PKM: variants seen among roughly 807,000 people sequenced by gnomAD.
PKM encodes pyruvate kinase M1/2, also known as pyruvate kinase PKM.
Under a neutral mutation model 49.8 loss-of-function variants are expected in PKM, and 18 were observed. That is an observed-to-expected ratio of 0.36 (90% CI 0.25 to 0.54). The LOEUF is 0.54. Among genes scored for constraint, PKM ranks in the 20% least tolerant of loss-of-function variants. The pLI is 0.89. For synonymous variants in PKM, 239 were observed against 261.8 expected, an observed-to-expected ratio of 0.91 and a Z score of 0.84; for missense variants, 508 against 713.8, an observed-to-expected ratio of 0.71 and a Z score of 3.28.
chr15:72,210,085 G>C lies in PKM; in HGVS notation c.379-226C>G. On this transcript the variant is annotated intron_variant, in intron 4 of 10. Coordinates refer to ENST00000335181, the MANE Select transcript of PKM (RefSeq NM_002654.6). ...TTAATGATGGGGAAAAAGATACAAAGAGATGGTTCTCCAAGTTAGAAAGCC... is the reference window on the plus strand; with the variant it reads ...TTAATGATGGGGAAAAAGATACAAACAGATGGTTCTCCAAGTTAGAAAGCC... 9.7e-6 allele frequency: 6 copies of C among 620,702 alleles called. No homozygotes were observed. The South Asian group carries it at 9.8e-5, about 10-fold the overall frequency. 38.4% of individuals were successfully genotyped at this position (620,702 alleles called of 1,614,324 possible).
intron 1 of PKM, chr15:72,228,493 T>C: frequency 2.2e-6 from 1 of 462,448 alleles, no homozygotes; most frequent in Admixed American, 2.6e-5. Context: ...TTAGGGGAAA[T>C]GCATGCTTCA....
At position 72,231,165 on chromosome 15, in the gene PKM, A is replaced by T. The variant is rs898013982; in HGVS notation, c.-63T>A. On this transcript the variant is annotated 5_prime_UTR_variant, in exon 1 of 11. Coordinates refer to ENST00000335181, the MANE Select transcript of PKM (RefSeq NM_002654.6). ...ACGCTGCAAAGACGAAGAGATCCGGAGCCACGGCGCGTGCAGCTGCTGTGC... is the reference window on the plus strand; with the variant it reads ...ACGCTGCAAAGACGAAGAGATCCGGTGCCACGGCGCGTGCAGCTGCTGTGC... 4 of 288,702 alleles carry T rather than the reference A, an allele frequency of 1.4e-5. No homozygotes were observed. Among genetic ancestry groups the T allele is most frequent in the South Asian group, 2.6e-5 (1 of 38,108 alleles). The allele number at this position is 288,702 out of a possible 1,614,324, so 17.9% of individuals were successfully genotyped here.
At chr15:72,213,263 C>T (rs954138902) in intron 3 of PKM, among the ~76,000 whole-genome samples, 2 of 152,096 alleles carry the variant, frequency 1.3e-5, no homozygotes, top group African/African-American at 4.8e-5. Flanking sequence ...ACTGTTAGTA[C>T]CTGCCTGGTT....
chr15:72,229,985 C>T (rs1445876095), intron 1 of PKM, among the ~76,000 whole-genome samples: 4 of 152,012 alleles, frequency 2.6e-5, no homozygotes, highest in African/African-American at 9.7e-5. Flanking sequence ...CGGGCGAGGG[C>T]CAGGAGGCCC....
chr15:72,209,668 C>T lies in PKM; in HGVS notation c.565+5G>A, dbSNP rs533408759. ...AGACAACTGGACTCCAGCTCCCATA[C>T]GTACCTTTCTGCTTCACCTGGAGAG... On this transcript the variant is annotated splice_donor_5th_base_variant and intron_variant, in intron 5 of 10. Coordinates refer to ENST00000335181, the MANE Select transcript of PKM (RefSeq NM_002654.6). 17 of 1,612,248 alleles carry T rather than the reference C, an allele frequency of 1.1e-5. No individual in the cohort carries two copies. Among genetic ancestry groups the T allele is most frequent in the South Asian group, 8.8e-5 (8 of 91,014 alleles).
intron 6 of PKM, among the ~76,000 whole-genome samples, chr15:72,208,324 T>C (rs1042786401): frequency 6.6e-6 from 1 of 152,124 alleles, no homozygotes; most frequent in African/African-American, 2.4e-5. Context: ...TCATGGCCCC[T>C]GGTCCTGTGA....
Position 72,226,606 on chromosome 15 carries a change from G to A in PKM, c.-14+4510C>T, listed in dbSNP as rs8192374. Among the ~76,000 whole-genome samples the A allele has an allele frequency of 3.1e-3, 467 of 152,292 alleles. 1 individual carries two copies. The highest frequency in any genetic ancestry group is 0.011 in the African/African-American group (440 of 41,570). On this transcript the variant is annotated intron_variant, in intron 1 of 10. Transcript: ENST00000335181. ...CAAGTAAACTGAAGATGTTTGGAAGGGATAGGACTCCCTTCAGAGAATCTT... is the reference window on the plus strand; with the variant it reads ...CAAGTAAACTGAAGATGTTTGGAAGAGATAGGACTCCCTTCAGAGAATCTT...
chr15:72,224,655 G>C (rs1173595185), intron 1 of PKM, among the ~76,000 whole-genome samples: 1 of 152,114 alleles, frequency 6.6e-6, no homozygotes, highest in African/African-American at 2.4e-5. Flanking sequence ...TTGAGGCTAA[G>C]AGTTCGAGAC....
chr15:72,230,202 C>G (rs2082813215), intron 1 of PKM, among the ~76,000 whole-genome samples: 1 of 152,202 alleles, frequency 6.6e-6, no homozygotes, highest in Admixed American at 6.5e-5. Context: ...CATCTAATCC[C>G]GGCCACAGGG....
At chr15:72,216,046 G>A (rs2082369763) in intron 3 of PKM, among the ~76,000 whole-genome samples, 1 of 152,166 alleles carries the variant, frequency 6.6e-6, no homozygotes, top group East Asian at 1.9e-4. Context: ...ATGAACACAG[G>A]TTAGGGAATC....
intron 3 of PKM, 48 bp downstream of exon 3, chr15:72,217,361 G>T: frequency 8.8e-7 from 1 of 1,134,508 alleles, no homozygotes; most frequent in Non-Finnish European, 1.3e-6. Flanking sequence ...CCCCCTCCCT[G>T]TTTCCTACAG....
At chr15:72,209,274 TAGG>T (rs1352813419) in intron 5 of PKM, among the ~76,000 whole-genome samples, 1 of 150,652 alleles carries the variant, frequency 6.6e-6, no homozygotes, top group Non-Finnish European at 1.5e-5. Flanking sequence ...GAGGCTGAGG[TAGG>T]AGAATAGCTA....
chr15:72,200,531 C>A lies in PKM; in HGVS notation c.1432G>T (p.Val478Phe). Reference protein sequence around the residue: ...GIFPVLCKDPVQEAWAEDVDL... With the variant: ...GIFPVLCKDPFQEAWAEDVDL... Reference sequence around the variant, plus strand: ...ACGTCCTCAGCCCAGGCCTCCTGGACTGGGTCCTTGCACAGCACAGGGAAG... The same window carrying A: ...ACGTCCTCAGCCCAGGCCTCCTGGAATGGGTCCTTGCACAGCACAGGGAAG... Residue 478 changes from valine (V) to phenylalanine (F), a missense_variant, in exon 10 of 11, where the codon GTC becomes TTC. By Grantham distance (50) the Val-to-Phe change is conservative. Transcript: ENST00000335181. The surrounding 1 kb of genome is among the most constrained non-coding windows in gnomAD (Gnocchi z 4.6). 6.2e-7 allele frequency: 1 copy of A among 1,613,972 alleles called. No homozygotes were observed. The highest frequency in any genetic ancestry group is 8.5e-7 in the Non-Finnish European group (1 of 1,179,906).
intron 1 of PKM, among the ~76,000 whole-genome samples, chr15:72,226,112 A>T (rs1456431853): frequency 1.3e-5 from 2 of 152,210 alleles, no homozygotes; most frequent in Non-Finnish European, 2.9e-5. Context: ...TCCCTGCTTA[A>T]CTCAATCAAA....
At chr15:72,224,491 T>C (rs1241750601) in intron 1 of PKM, among the ~76,000 whole-genome samples, 8 of 152,172 alleles carry the variant, frequency 5.3e-5, no homozygotes. Flanking sequence ...GCAGCCTTTA[T>C]AGGTTTGCTT....
rs1359434385 is a variant in PKM, at chr15:72,202,468, G to A, written c.1293C>T (p.Leu431=). 2 of 1,613,006 alleles carry A rather than the reference G, an allele frequency of 1.2e-6. No individual in the cohort carries two copies. Among genetic ancestry groups the A allele is most frequent in the South Asian group, 1.1e-5 (1 of 90,908 alleles). The change falls in exon 9 of 11, where the codon CTC becomes CTT. Residue 431 remains leucine (L), a synonymous_variant. Transcript: ENST00000335181. This position sits in a 1 kb window ranked among gnomAD's most constrained non-coding sequence, Gnocchi z 4.5. ...FKCCSGAIIV[L]TKSGRSAHQV... Reference sequence around the variant, plus strand: ...CCGCCTCCTACCTGCCAGACTTGGTGAGGACGATTATGGCCCCACTGCAGC... The same window carrying A: ...CCGCCTCCTACCTGCCAGACTTGGTAAGGACGATTATGGCCCCACTGCAGC...
At chr15:72,199,904 C>A in intron 10 of PKM, 148 bp from the exon 11 acceptor site, 2 of 697,934 alleles carry the variant, frequency 2.9e-6, no homozygotes, top group African/African-American at 3.5e-5. Context: ...ACAGCCCAGG[C>A]AAACAGGAGG....
chr15:72,206,928 GA>G, intron 7 of PKM, 48 bp from the exon 8 acceptor site: 1 of 1,605,794 alleles, frequency 6.2e-7, no homozygotes, highest in African/African-American at 1.3e-5. Flanking sequence ...GCTGTCTTCA[GA>G]GACAAATGAC....
chr15:72,203,013 G>C (rs747195954), intron 8 of PKM: 4 of 1,613,606 alleles, frequency 2.5e-6, no homozygotes, highest in Non-Finnish European at 3.4e-6. Context: ...CCTGCCCTTA[G>C]GGCCCTACCT....
Sources: gnomAD v4.1 joint callset for allele counts (sites outside exome capture counted in the v4.1 genomes callset) on GRCh38, gnomAD v4.1.1 for gene constraint, Gnocchi (gnomAD v3.1) non-coding constraint, MANE v1.5 for transcripts, NCBI Gene and HGNC (gene_info 2026-07-23, HGNC 2026-07-21) for gene names.